The following SMYD3 variants were observed in gnomAD, a reference collection of about 807,000 sequenced individuals.
The protein encoded by SMYD3 is histone-lysine N-methyltransferase SMYD3.
SMYD3 carries 36 observed loss-of-function variants against 57.7 expected under a neutral mutation model. That is an observed-to-expected ratio of 0.62 (90% CI 0.48 to 0.82). SMYD3 has a LOEUF of 0.82. Ranked by LOEUF, SMYD3 falls within the 40% of genes least tolerant of loss-of-function variation. The pLI, the probability that SMYD3 is intolerant of heterozygous loss-of-function variation, is 0.00. For missense variants in SMYD3, 515 were observed against 538.8 expected (o/e 0.96, Z 0.44); for synonymous variants, 211 against 195.0 (o/e 1.08, Z -0.68).
chr1:246,156,575 G>A (rs1360330745), intron 5 of SMYD3, among the ~76,000 whole-genome samples: 1 of 152,154 alleles, frequency 6.6e-6, no homozygotes, highest in African/African-American at 2.4e-5. Flanking sequence ...TGTTATTTGT[G>A]AGGCACTATG....
chr1:245,839,269 A>C (rs1298885971), intron 10 of SMYD3, among the ~76,000 whole-genome samples: 1 of 152,176 alleles, frequency 6.6e-6, no homozygotes, highest in Non-Finnish European at 1.5e-5. Flanking sequence ...TCCCGGGTTC[A>C]CGCCATTCTC....
At chr1:245,766,353 T>C (rs895183543) in intron 10 of SMYD3, among the ~76,000 whole-genome samples, 4 of 144,276 alleles carry the variant, frequency 2.8e-5, no homozygotes, top group African/African-American at 7.9e-5. Context: ...TGAGCCGAGA[T>C]TGCAGCACTG....
intron 10 of SMYD3, among the ~76,000 whole-genome samples, chr1:245,794,621 T>C (rs1475959243): frequency 6.6e-6 from 1 of 152,234 alleles, no homozygotes; most frequent in African/African-American, 2.4e-5. Context: ...TTCTACTCTT[T>C]CTTAAAGAAC....
intron 10 of SMYD3, among the ~76,000 whole-genome samples, chr1:245,852,764 C>T (rs898689920): frequency 4.6e-5 from 7 of 152,082 alleles, no homozygotes; most frequent in African/African-American, 4.8e-5. Flanking sequence ...AATTAAAAGG[C>T]TTATATTTAA....
At chr1:245,914,689 G>A (rs2055267212) in intron 8 of SMYD3, among the ~76,000 whole-genome samples, 1 of 152,108 alleles carries the variant, frequency 6.6e-6, no homozygotes, top group Admixed American at 6.5e-5. Flanking sequence ...GCACTGTAGG[G>A]GGATATGGTT....
At chr1:246,487,674 T>C (rs183421565) in intron 1 of SMYD3, among the ~76,000 whole-genome samples, 10 of 151,166 alleles carry the variant, frequency 6.6e-5, no homozygotes, top group Admixed American at 2.6e-4. Flanking sequence ...GCCCAGTGTC[T>C]AACTTAGGCT....
intron 5 of SMYD3, among the ~76,000 whole-genome samples, chr1:245,944,803 A>G (rs769774210): frequency 2.6e-5 from 4 of 152,218 alleles, no homozygotes; most frequent in Non-Finnish European, 4.4e-5. Context: ...ATATAGACTA[A>G]TGGAACAGAA....
At chr1:245,809,478 A>C (rs947899740) in intron 10 of SMYD3, among the ~76,000 whole-genome samples, 1 of 152,142 alleles carries the variant, frequency 6.6e-6, no homozygotes, top group African/African-American at 2.4e-5. Context: ...GAAGGAGTAG[A>C]GTTCTAACTT....
chr1:245,850,194 C>T (rs1157036711), intron 10 of SMYD3, among the ~76,000 whole-genome samples: 1 of 152,186 alleles, frequency 6.6e-6, no homozygotes, highest in African/African-American at 2.4e-5. Flanking sequence ...CTTCATATTA[C>T]AGGCTTTCTT....
intron 5 of SMYD3, among the ~76,000 whole-genome samples, chr1:246,121,377 T>C (rs1341400812): frequency 2.0e-5 from 3 of 151,546 alleles, no homozygotes; most frequent in Non-Finnish European, 4.4e-5. Flanking sequence ...TTAGGGTTAT[T>C]TCTTTTTCTT....
At chr1:246,374,102 C>T (rs1467847941) in intron 1 of SMYD3, among the ~76,000 whole-genome samples, 1 of 152,058 alleles carries the variant, frequency 6.6e-6, no homozygotes, top group Non-Finnish European at 1.5e-5. Flanking sequence ...CTCTTGATTT[C>T]AGGGAGAGGA....
intron 10 of SMYD3, chr1:245,814,528 G>A (rs1450168927): frequency 4.8e-6 from 2 of 414,714 alleles, no homozygotes; most frequent in African/African-American, 2.2e-5. Context: ...TGCCCTTCTA[G>A]TACTGACTAC....
rs144552821 is a variant in SMYD3 at position 246,391,279 on chromosome 1, CT to C, written c.165-36186del. Among the ~76,000 whole-genome samples, 1,206 of 149,780 alleles carry C rather than the reference CT, an allele frequency of 8.1e-3. 12 individuals carry two copies. Among genetic ancestry groups the C allele is most frequent in the African/African-American group, 0.027 (1,080 of 40,564 alleles). On this transcript the variant is annotated intron_variant, in intron 1 of 11. Transcript: ENST00000490107. ...CCTATATTCCTAGATACATGGGAGG[CT>C]TAAGTAGGAGAACTGCTTGAGCCCA... is the stretch of plus-strand genomic sequence containing the variant.
At chr1:245,781,869 T>C (rs2046839415) in intron 10 of SMYD3, among the ~76,000 whole-genome samples, 2 of 152,064 alleles carry the variant, frequency 1.3e-5, no homozygotes, top group Non-Finnish European at 1.5e-5. Context: ...CTTGGGAAGC[T>C]GAAGCAGGAG....
At chr1:245,796,551 C>T (rs2148211797) in intron 10 of SMYD3, among the ~76,000 whole-genome samples, 1 of 152,270 alleles carries the variant, frequency 6.6e-6, no homozygotes, top group East Asian at 1.9e-4. Flanking sequence ...CCTATAATTT[C>T]CTACATATTT....
At chr1:245,758,627 A>G (rs2148030884) in intron 11 of SMYD3, among the ~76,000 whole-genome samples, 1 of 151,942 alleles carries the variant, frequency 6.6e-6, no homozygotes, top group East Asian at 1.9e-4. Context: ...TATTTTGATT[A>G]TTATATTTAT....
At chr1:245,908,092 C>T (rs766942509) in intron 8 of SMYD3, among the ~76,000 whole-genome samples, 183 of 151,846 alleles carry the variant, frequency 1.2e-3, no homozygotes, top group African/African-American at 3.3e-3. Flanking sequence ...GCTGAGATCG[C>T]GCCACTGCAC....
rs1399312664 is a variant in SMYD3, at chr1:245,994,517, T to C, written c.532-64580A>G. 2.0e-5 allele frequency among the ~76,000 whole-genome samples: 3 copies of C among 152,224 alleles called. No homozygotes were observed. In the East Asian group the frequency reaches 5.8e-4, roughly 29 times the overall value. ...CTTTGGATGCCCTCACCCTCTGAAA[T>C]AAGCATTTTCTCCCGGGACATCAAG... On this transcript the variant is annotated intron_variant, in intron 5 of 11. Transcript: ENST00000490107.
intron 10 of SMYD3, among the ~76,000 whole-genome samples, chr1:245,793,019 C>A (rs1041713459): frequency 3.9e-5 from 6 of 152,186 alleles, no homozygotes; most frequent in African/African-American, 1.2e-4. Context: ...TTAGAAATAT[C>A]TTCCATATAG....
Sources: gnomAD v4.1 joint callset for allele counts (sites outside exome capture counted in the v4.1 genomes callset) on GRCh38, gnomAD v4.1.1 for gene constraint, MANE v1.5 for transcripts, NCBI Gene and HGNC (gene_info 2026-07-23, HGNC 2026-07-21) for gene names.